PCLO: variants seen among roughly 807,000 people sequenced by gnomAD.
PCLO encodes piccolo presynaptic cytomatrix protein, also known as protein piccolo.
In PCLO, 82 loss-of-function variants were observed where a neutral mutation model predicts 427.5. The observed-to-expected ratio is 0.19, with a 90% CI of 0.16 to 0.23. The LOEUF is 0.23. Ranked by LOEUF, PCLO falls within the 10% of genes least tolerant of loss-of-function variation. PCLO has a pLI of 1.00. For missense variants in PCLO, 6,239 were observed against 6,115.9 expected (o/e 1.02, Z -0.67); for synonymous variants, 2,357 against 2,155.4 (o/e 1.09, Z -2.59).
chr7:83,073,924 C>T (rs914298883), intron 3 of PCLO, among the ~76,000 whole-genome samples: 4 of 151,272 alleles, frequency 2.6e-5, no homozygotes, highest in Non-Finnish European at 4.4e-5. Context: ...AAAACAAGTC[C>T]CATTTAGATA....
At chr7:82,852,108 A>T (rs1792677023) in intron 10 of PCLO, among the ~76,000 whole-genome samples, 1 of 152,108 alleles carries the variant, frequency 6.6e-6, no homozygotes, top group Non-Finnish European at 1.5e-5. Context: ...GGAAAAAACT[A>T]GTATTTGAAT....
rs771656712 is a variant in PCLO at position 83,135,373 on chromosome 7, G to A, written c.2177C>T (p.Ala726Val). 3 of 1,613,898 alleles carry A rather than the reference G, an allele frequency of 1.9e-6. No homozygotes were observed. Among genetic ancestry groups the A allele is most frequent in the Non-Finnish European group, 1.7e-6 (2 of 1,179,906 alleles). Residue 726 changes from alanine to valine, a missense_variant, in exon 3 of 25, where the codon GCA becomes GTA. Transcript: ENST00000333891. ...AGGGGCTGGCTTGGACAAAGAATCTGCCTCAGGGGGCTGCTTGGCCTTGGC... is the reference window on the plus strand; with the variant it reads ...AGGGGCTGGCTTGGACAAAGAATCTACCTCAGGGGGCTGCTTGGCCTTGGC... ...PSAKAKQPPE[A>V]DSLSKPAPPK...
chr7:82,883,230 T>G (rs1479440643), intron 9 of PCLO, among the ~76,000 whole-genome samples: 1 of 152,122 alleles, frequency 6.6e-6, no homozygotes, highest in African/African-American at 2.4e-5. Context: ...TAATAATGCC[T>G]ATAAAATACC....
At chr7:82,852,724 A>G (rs1584050341) in intron 10 of PCLO, among the ~76,000 whole-genome samples, 1 of 152,072 alleles carries the variant, frequency 6.6e-6, no homozygotes, top group Non-Finnish European at 1.5e-5. Flanking sequence ...ATATATACAT[A>G]TATCCTATTA....
intron 3 of PCLO, among the ~76,000 whole-genome samples, chr7:83,057,208 T>A (rs1427889173): frequency 7.0e-6 from 1 of 142,596 alleles, no homozygotes; most frequent in Non-Finnish European, 1.5e-5. Context: ...CTCAGTCTCC[T>A]GAGTAGCTGT....
chr7:83,115,598 T>A (rs6945907), intron 3 of PCLO, among the ~76,000 whole-genome samples: 2,206 of 152,130 alleles, frequency 0.015, 57 homozygotes, highest in African/African-American at 0.051. Context: ...TGCCTTTTCA[T>A]ACCTAACTCC....
rs542156290 is a variant in PCLO at position 83,159,007 on chromosome 7, C to T, written c.249-2615G>A. 2.0e-5 allele frequency among the ~76,000 whole-genome samples: 3 copies of T among 152,064 alleles called. No individual in the cohort carries two copies. In the East Asian group the frequency reaches 5.8e-4, roughly 29 times the overall value. ...AAAGTGATTAAAATGCAATCTCTGC[C>T]TTGTATACTAGACTGTGAACTCCTA... On this transcript the variant is annotated intron_variant, in intron 1 of 24. Coordinates refer to ENST00000333891, the MANE Select transcript of PCLO (RefSeq NM_033026.6).
intron 8 of PCLO, among the ~76,000 whole-genome samples, chr7:82,903,377 TGATA>T (rs1794107112): frequency 1.3e-5 from 2 of 152,026 alleles, no homozygotes; most frequent in African/African-American, 4.8e-5. Context: ...CTTGCATTAT[TGATA>T]GTGTTATGTC....
At chr7:83,137,762 T>C (rs1003462582) in intron 2 of PCLO, among the ~76,000 whole-genome samples, 1 of 152,182 alleles carries the variant, frequency 6.6e-6, no homozygotes, top group African/African-American at 2.4e-5. Flanking sequence ...ATTTGCAATA[T>C]GGGTATTATA....
chr7:83,073,067 C>G (rs564818368), intron 3 of PCLO, among the ~76,000 whole-genome samples: 12 of 152,102 alleles, frequency 7.9e-5, no homozygotes, highest in African/African-American at 2.6e-4. Flanking sequence ...TTGCTACTCA[C>G]TTGGACAATT....
chr7:83,012,485 C>G (rs546387147), intron 3 of PCLO, among the ~76,000 whole-genome samples: 1 of 151,730 alleles, frequency 6.6e-6, no homozygotes, highest in Non-Finnish European at 1.5e-5. Flanking sequence ...GGAGTGGTGG[C>G]GGGCACCTGT....
intron 19 of PCLO, among the ~76,000 whole-genome samples, chr7:82,823,267 C>T (rs547214017): frequency 1.6e-4 from 24 of 152,252 alleles, no homozygotes; most frequent in African/African-American, 2.9e-4. Context: ...CTACAAAACT[C>T]GTAGTCAGCA....
At chr7:83,043,958 A>T (rs1188619084) in intron 3 of PCLO, among the ~76,000 whole-genome samples, 6 of 116,338 alleles carry the variant, frequency 5.2e-5, no homozygotes, top group African/African-American at 1.9e-4. Flanking sequence ...TGAATCCTGA[A>T]TCTCCATTGT....
At chr7:82,988,767 G>C (rs924392287) in intron 3 of PCLO, among the ~76,000 whole-genome samples, 6 of 151,460 alleles carry the variant, frequency 4.0e-5, no homozygotes, top group African/African-American at 1.2e-4. Context: ...ATTGAGTCAG[G>C]GTTTTCTTTT....
rs200899732 is a variant in PCLO, at chr7:83,135,003, T to G, written c.2547A>C (p.Val849=). Residue 849 remains valine, a synonymous_variant, in exon 3 of 25, where the codon GTA becomes GTC. Coordinates refer to ENST00000333891, the MANE Select transcript of PCLO (RefSeq NM_033026.6). ...ESKGQKQVDP[V]QKKEEPKKAQ... ...CTTTCTTGGGTTCTTCCTTCTTTTG[T>G]ACGGGGTCAACTTGTTTTTGACCTT... is the stretch of plus-strand genomic sequence containing the variant. The G allele has an allele frequency of 6.2e-7, 1 of 1,613,794 alleles. No individual in the cohort carries two copies. Among genetic ancestry groups the G allele is most frequent in the Admixed American group, 1.7e-5 (1 of 59,984 alleles).
At position 82,914,891 on chromosome 7, in the gene PCLO, A is replaced by G; in HGVS notation, c.13095T>C (p.Ser4365=). ...CCATTCCCATTGGCTGGCCAACAGG[A>G]CTGAGTGGGCTTTCTTCTTCAGAAT... ...AQNSEEESPL[S]PVGQPMGMAR... is the part of the protein sequence containing the mutation. Residue 4365 remains serine, a synonymous_variant, in exon 7 of 25, where the codon AGT becomes AGC. Coordinates refer to ENST00000333891, the MANE Select transcript of PCLO (RefSeq NM_033026.6). The G allele has an allele frequency of 6.2e-7, 1 of 1,613,624 alleles. No individual in the cohort carries two copies.
intron 3 of PCLO, among the ~76,000 whole-genome samples, chr7:83,106,342 A>G (rs16887406): frequency 0.46 from 69,959 of 152,002 alleles, 16,510 homozygotes; most frequent in East Asian, 0.71. Flanking sequence ...CAGCTGAAAA[A>G]ATGTCAGGAT....
At chr7:82,909,037 T>C (rs767559268) in intron 7 of PCLO, 24 bp from the exon 8 acceptor site, 5 of 1,611,010 alleles carry the variant, frequency 3.1e-6, no homozygotes, top group South Asian at 1.1e-5. Flanking sequence ...GGAAACATCA[T>C]ACATTGCAAC....
intron 22 of PCLO, among the ~76,000 whole-genome samples, chr7:82,770,334 A>G (rs1195245899): frequency 6.6e-6 from 1 of 152,062 alleles, no homozygotes; most frequent in Non-Finnish European, 1.5e-5. Flanking sequence ...ATGTGTTTAT[A>G]ATATGGAATG....
Sources: gnomAD v4.1 joint callset for allele counts (sites outside exome capture counted in the v4.1 genomes callset) on GRCh38, gnomAD v4.1.1 for gene constraint, MANE v1.5 for transcripts, NCBI Gene and HGNC (gene_info 2026-07-23, HGNC 2026-07-21) for gene names.